Variants in NPDC1 observed in about 807,000 individuals in gnomAD.
NPDC1 encodes the protein neural proliferation differentiation and control protein 1.
Under a neutral mutation model 32.5 loss-of-function variants are expected in NPDC1, and 18 were observed. That is an observed-to-expected ratio of 0.55 (90% CI 0.38 to 0.82). The LOEUF (loss-of-function observed/expected upper bound fraction) is 0.82, where lower values mean the gene tolerates loss of function less well. NPDC1 is among the 40% of genes least tolerant of loss of function. NPDC1 has a pLI of 0.00. For synonymous variants in NPDC1, 210 were observed against 184.7 expected, an observed-to-expected ratio of 1.14 and a Z score of -1.11; for missense variants, 468 against 406.6, an observed-to-expected ratio of 1.15 and a Z score of -1.30.
chr9:137,044,558 G>A (rs1832103313), intron 1 of NPDC1, among the ~76,000 whole-genome samples: 1 of 152,160 alleles, frequency 6.6e-6, no homozygotes, highest in African/African-American at 2.4e-5. Context: ...GAGGTCGCAG[G>A]AACAAGAGCA....
At chr9:137,042,704 T>C (rs1468185914) in intron 2 of NPDC1, among the ~76,000 whole-genome samples, 1 of 151,788 alleles carries the variant, frequency 6.6e-6, no homozygotes, top group Non-Finnish European at 1.5e-5. Context: ...GGACTACAGG[T>C]GTGTGCCACC....
In NPDC1 at chr9:137,041,054, G is replaced by A. The variant is rs778794993; in HGVS notation, c.385+8C>T. 2.1e-5 allele frequency: 32 copies of A among 1,520,116 alleles called. 1 individual carries two copies. Among genetic ancestry groups the A allele is most frequent in the Non-Finnish European group, 2.6e-5 (30 of 1,135,640 alleles). 94.2% of individuals were successfully genotyped at this position (1,520,116 alleles called of 1,614,324 possible). ...AGGGCCGTGGGGCAGGGGAAGCGGGGGTCTCACCAGGCTCCGGGAGCCGCT... is the reference window on the plus strand; with the variant it reads ...AGGGCCGTGGGGCAGGGGAAGCGGGAGTCTCACCAGGCTCCGGGAGCCGCT... On this transcript the variant is annotated splice_region_variant and intron_variant, in intron 3 of 8. Coordinates refer to ENST00000371601, the MANE Select transcript of NPDC1 (RefSeq NM_015392.4).
chr9:137,041,655 G>A (rs536646601), intron 2 of NPDC1, among the ~76,000 whole-genome samples: 6 of 152,278 alleles, frequency 3.9e-5, no homozygotes, highest in African/African-American at 7.2e-5. Context: ...GGGCTCCACC[G>A]GTACCCACTG....
Position 137,046,051 on chromosome 9 carries a change from G to C in NPDC1, c.-62C>G. On this transcript the variant is annotated 5_prime_UTR_variant, in exon 1 of 9. Coordinates refer to ENST00000371601, the MANE Select transcript of NPDC1 (RefSeq NM_015392.4). Reference sequence around the variant, plus strand: ...AGGCCAGGGGCTCGGCGCGGGCTCCGGGCTCCGCGTCGGGAGCAGCGGAGG... The same window carrying C: ...AGGCCAGGGGCTCGGCGCGGGCTCCCGGCTCCGCGTCGGGAGCAGCGGAGG... 1 of 1,158,322 alleles carries C rather than the reference G, an allele frequency of 8.6e-7. No individual in the cohort carries two copies. The highest frequency in any genetic ancestry group is 1.1e-6 in the Non-Finnish European group (1 of 940,122). The allele number at this position is 1,158,322 out of a possible 1,614,324, so 71.8% of individuals were successfully genotyped here.
intron 1 of NPDC1, chr9:137,043,682 C>T: frequency 2.7e-6 from 1 of 374,432 alleles, no homozygotes. Context: ...GCAGGTCACT[C>T]CCAAAGCCAC....
Position 137,039,728 on chromosome 9 carries a change from G to A in NPDC1, c.*44C>T. The A allele has an allele frequency of 1.4e-6, 1 of 719,678 alleles. No homozygotes were observed. The allele number at this position is 719,678 out of a possible 1,614,324, so 44.6% of individuals were successfully genotyped here. On this transcript the variant is annotated 3_prime_UTR_variant, in exon 9 of 9. Coordinates refer to ENST00000371601, the MANE Select transcript of NPDC1 (RefSeq NM_015392.4). ...GCTCCAGGCCCTGCCCCTCCCCGGG[G>A]GCCTCGAGGTCGGGGAGCAGGTGGG...
Position 137,041,185 on chromosome 9 carries a change from C to G in NPDC1, c.262G>C (p.Gly88Arg). The change falls in exon 3 of 9, where the codon GGG becomes CGG. Residue 88 changes from glycine to arginine, a missense_variant and splice_region_variant. By Grantham distance (125) the Gly-to-Arg change is moderately radical. Coordinates refer to ENST00000371601, the MANE Select transcript of NPDC1 (RefSeq NM_015392.4). ...CVPRMRRPPG[G>R]GRPQPRLEDE... Reference sequence around the variant, plus strand: ...TCCAGTCTGGGCTGGGGCCGGCCCCCGCCTGGGGAGGGTGAGGGGCCATCA... The same window carrying G: ...TCCAGTCTGGGCTGGGGCCGGCCCCGGCCTGGGGAGGGTGAGGGGCCATCA... The G allele has an allele frequency of 7.0e-7, 1 of 1,430,004 alleles. No homozygotes were observed. The highest frequency in any genetic ancestry group is 1.6e-5 in the South Asian group (1 of 62,966). 88.6% of individuals were successfully genotyped at this position (1,430,004 alleles called of 1,614,324 possible). A position where few individuals can be genotyped will look rare whatever the true frequency, so the allele number is the denominator to read the frequency against.
At position 137,040,519 on chromosome 9, in the gene NPDC1, T is replaced by C; in HGVS notation, c.703A>G (p.Ile235Val). 6.3e-7 allele frequency: 1 copy of C among 1,589,706 alleles called. No individual in the cohort carries two copies. The highest frequency in any genetic ancestry group is 2.3e-5 in the East Asian group (1 of 43,918). ...KAPGSPAAPR[I>V]SPGDQRLAQS... is the part of the protein sequence containing the mutation. ...GGCTGAAGGGGGCCACACACCGAGATCCGGGGAGCTGCAGGTGAGCCAGGG... is the reference window on the plus strand; with the variant it reads ...GGCTGAAGGGGGCCACACACCGAGACCCGGGGAGCTGCAGGTGAGCCAGGG... The change falls in exon 6 of 9, where the codon ATC becomes GTC. Residue 235 changes from isoleucine (I) to valine (V), a missense_variant. By Grantham distance (29) the Ile-to-Val change is conservative. Transcript: ENST00000371601.
chr9:137,041,136 T>C lies in NPDC1; in HGVS notation c.311A>G (p.Gln104Arg), dbSNP rs749603505. 2.0e-6 allele frequency: 3 copies of C among 1,503,738 alleles called. No homozygotes were observed. Among genetic ancestry groups the C allele is most frequent in the Non-Finnish European group, 2.7e-6 (3 of 1,128,072 alleles). The allele number at this position is 1,503,738 out of a possible 1,614,324, so 93.1% of individuals were successfully genotyped here. A position where few individuals can be genotyped will look rare whatever the true frequency, so the allele number is the denominator to read the frequency against. Reference sequence around the variant, plus strand: ...TCCAGACTCCTTCCGGGCAAGCTCCTGGGCCAGGAAGTCAATCTCATCTTC... The same window carrying C: ...TCCAGACTCCTTCCGGGCAAGCTCCCGGGCCAGGAAGTCAATCTCATCTTC... ...RLEDEIDFLA[Q>R]ELARKESGHS... Residue 104 changes from glutamine to arginine, a missense_variant, in exon 3 of 9, where the codon CAG becomes CGG. Transcript: ENST00000371601.
At chr9:137,044,704 G>C (rs1217871215) in intron 1 of NPDC1, among the ~76,000 whole-genome samples, 5 of 152,264 alleles carry the variant, frequency 3.3e-5, no homozygotes, top group African/African-American at 9.6e-5. Context: ...CGGTGAGGCA[G>C]ACACGAAGCT....
intron 1 of NPDC1, chr9:137,043,607 C>T (rs111321259): frequency 2.2e-4 from 119 of 552,718 alleles, no homozygotes; most frequent in African/African-American, 1.0e-3. Context: ...TGGCTTGTCC[C>T]CCAGGCACCG....
At position 137,040,841 on chromosome 9, in the gene NPDC1, C is replaced by A; in HGVS notation, c.529G>T (p.Gly177Ter). ...PVHMSPLEPR[G>*]GQGDGLALVL... ...AGGGCGAGGCCGTCGCCTTGCCCTC[C>A]CCGGGGCTCCAGGGGCGACATGTGC... The change falls in exon 4 of 9, where the codon GGA becomes TGA. Residue 177 changes from glycine to a stop codon, truncating the protein, a stop_gained. Transcript: ENST00000371601. LOFTEE classifies it high-confidence loss of function. The A allele has an allele frequency of 6.3e-7, 1 of 1,596,710 alleles. No individual in the cohort carries two copies. The highest frequency in any genetic ancestry group is 8.5e-7 in the Non-Finnish European group (1 of 1,175,402).
chr9:137,042,908 T>C lies in NPDC1; in HGVS notation c.259+19A>G. 6.3e-7 allele frequency: 1 copy of C among 1,579,642 alleles called. No homozygotes were observed. The highest frequency in any genetic ancestry group is 8.6e-7 in the Non-Finnish European group (1 of 1,161,576). On this transcript the variant is annotated intron_variant, in intron 2 of 8. Coordinates refer to ENST00000371601, the MANE Select transcript of NPDC1 (RefSeq NM_015392.4). Reference sequence around the variant, plus strand: ...ATGCAGGGACATCCCCCCATCGACTTCCCCCTTTGCTCTCGTACCTGGAGG... The same window carrying C: ...ATGCAGGGACATCCCCCCATCGACTCCCCCCTTTGCTCTCGTACCTGGAGG...
chr9:137,041,054 G>T lies in NPDC1; in HGVS notation c.385+8C>A, dbSNP rs778794993. 2 of 1,520,116 alleles carry T rather than the reference G, an allele frequency of 1.3e-6. No homozygotes were observed. The highest frequency in any genetic ancestry group is 2.8e-5 in the African/African-American group (2 of 71,672). The allele number at this position is 1,520,116 out of a possible 1,614,324, so 94.2% of individuals were successfully genotyped here. On this transcript the variant is annotated splice_region_variant and intron_variant, in intron 3 of 8. Coordinates refer to ENST00000371601, the MANE Select transcript of NPDC1 (RefSeq NM_015392.4). ...AGGGCCGTGGGGCAGGGGAAGCGGG[G>T]GTCTCACCAGGCTCCGGGAGCCGCT...
Position 137,040,525 on chromosome 9 carries a change from G to A in NPDC1, c.697C>T (p.Pro233Ser), listed in dbSNP as rs1035266271. The A allele has an allele frequency of 6.9e-6, 11 of 1,590,302 alleles. No homozygotes were observed. Among genetic ancestry groups the A allele is most frequent in the East Asian group, 2.3e-5 (1 of 43,956 alleles). The part of the protein sequence containing the change: ...TAKAPGSPAA[P>S]RISPGDQRLA... ...AGGGGGCCACACACCGAGATCCGGGGAGCTGCAGGTGAGCCAGGGGCCTTC... is the reference window on the plus strand; with the variant it reads ...AGGGGGCCACACACCGAGATCCGGGAAGCTGCAGGTGAGCCAGGGGCCTTC... Residue 233 changes from proline (P) to serine (S), a missense_variant, in exon 6 of 9, where the codon CCC becomes TCC. Pro to Ser is a moderately conservative substitution (Grantham distance 74). Coordinates refer to ENST00000371601, the MANE Select transcript of NPDC1 (RefSeq NM_015392.4).
intron 1 of NPDC1, among the ~76,000 whole-genome samples, chr9:137,045,071 A>G (rs1463047277): frequency 6.6e-6 from 1 of 152,210 alleles, no homozygotes; most frequent in African/African-American, 2.4e-5. Context: ...GCAGTCGCAA[A>G]GTCTCCCAGT....
rs964800691 is a variant in NPDC1, at chr9:137,039,576, G to A, written c.*196C>T. On this transcript the variant is annotated 3_prime_UTR_variant, in exon 9 of 9. Coordinates refer to ENST00000371601, the MANE Select transcript of NPDC1 (RefSeq NM_015392.4). Reference sequence around the variant, plus strand: ...GTTTGGGGGTCTAAACCGAACAGGAGAGGTGCAGGGGACCAGGAGGTGTCC... The same window carrying A: ...GTTTGGGGGTCTAAACCGAACAGGAAAGGTGCAGGGGACCAGGAGGTGTCC... 1.8e-6 allele frequency: 1 copy of A among 568,998 alleles called. No homozygotes were observed. Among genetic ancestry groups the A allele is most frequent in the Non-Finnish European group, 3.1e-6 (1 of 322,590 alleles). The allele number at this position is 568,998 out of a possible 1,614,324, so 35.2% of individuals were successfully genotyped here. A position where few individuals can be genotyped will look rare whatever the true frequency, so the allele number is the denominator to read the frequency against.
rs374839539 is a variant in NPDC1, at chr9:137,043,096, G to A, written c.113-23C>T. The A allele has an allele frequency of 8.1e-5, 131 of 1,611,228 alleles. No homozygotes were observed. In the African/African-American group the frequency reaches 1.5e-3, roughly 18 times the overall value. On this transcript the variant is annotated intron_variant, in intron 1 of 8. Coordinates refer to ENST00000371601, the MANE Select transcript of NPDC1 (RefSeq NM_015392.4). Reference sequence around the variant, plus strand: ...CATCTGGGAAGGAAGCAGAAGGCAGGGCCGGCTCACGGCCCCGCAGGGCTC... The same window carrying A: ...CATCTGGGAAGGAAGCAGAAGGCAGAGCCGGCTCACGGCCCCGCAGGGCTC...
At chr9:137,040,293 T>C in intron 7 of NPDC1, 64 bp downstream of exon 7, 4 of 876,088 alleles carry the variant, frequency 4.6e-6, no homozygotes, top group East Asian at 1.5e-4. Flanking sequence ...GAGGTGGAAA[T>C]GGAGGTGGAG....
Sources: allele counts gnomAD v4.1 joint callset (sites outside exome capture counted in the v4.1 genomes callset), GRCh38; gene constraint gnomAD v4.1.1; transcripts MANE v1.5; gene names NCBI Gene and HGNC (gene_info 2026-07-23, HGNC 2026-07-21).